Variants in UIMC1 observed in about 807,000 individuals in gnomAD.
UIMC1 encodes the protein ubiquitin interaction motif containing 1.
A neutral mutation model predicts 84.9 loss-of-function variants in UIMC1; 42 were observed. The observed-to-expected ratio is 0.49, with a 90% CI of 0.39 to 0.64. The LOEUF (loss-of-function observed/expected upper bound fraction) is 0.64. Ranked by LOEUF, UIMC1 falls within the 30% of genes least tolerant of loss-of-function variation. The probability of loss-of-function intolerance (pLI) is 0.00; values close to 1 mark genes in which losing one functional copy is unlikely to be tolerated. For missense variants in UIMC1, 825 were observed against 847.6 expected (o/e 0.97, Z 0.33); for synonymous variants, 281 against 293.0 (o/e 0.96, Z 0.42).
chr5:176,958,258 A>T (rs1460276339), intron 6 of UIMC1, 104 bp from the exon 7 acceptor site: 2 of 884,802 alleles, frequency 2.3e-6, no homozygotes, highest in Admixed American at 5.2e-5. Context: ...CTCAACAATT[A>T]ACAATAAGAA....
chr5:177,007,747 A>C (rs181198966), upstream of UIMC1, among the ~76,000 whole-genome samples: 1 of 152,320 alleles, frequency 6.6e-6, no homozygotes, highest in African/African-American at 2.4e-5. Context: ...TGAAAGAAGG[A>C]GTAGCGGAAA....
intron 8 of UIMC1, among the ~76,000 whole-genome samples, chr5:176,954,337 G>A (rs1427651079): frequency 6.6e-6 from 1 of 152,150 alleles, no homozygotes; most frequent in Non-Finnish European, 1.5e-5. Context: ...GTATTCTTGA[G>A]TGCTCCTGCC....
At chr5:176,995,262 T>C (rs1181834272) in intron 1 of UIMC1, among the ~76,000 whole-genome samples, 1 of 151,976 alleles carries the variant, frequency 6.6e-6, no homozygotes, top group African/African-American at 2.4e-5. Flanking sequence ...AAATGACAAC[T>C]TGTGGGCTGG....
chr5:176,999,770 A>G (rs1049532698), intron 1 of UIMC1, among the ~76,000 whole-genome samples: 9 of 152,228 alleles, frequency 5.9e-5, no homozygotes, highest in South Asian at 2.1e-4. Context: ...TCCATTATGT[A>G]TAAGTACCAT....
intron 8 of UIMC1, among the ~76,000 whole-genome samples, chr5:176,953,987 G>C (rs1414258732): frequency 1.3e-5 from 2 of 152,084 alleles, no homozygotes; most frequent in Non-Finnish European, 2.9e-5. Flanking sequence ...TTGGCTTCAT[G>C]GTGAAGCAGT....
At chr5:176,965,361 A>G (rs10044082) in intron 6 of UIMC1, among the ~76,000 whole-genome samples, 16,422 of 151,630 alleles carry the variant, frequency 0.11, 1,664 homozygotes, top group African/African-American at 0.27. Context: ...GGTGGAGCTT[A>G]CAGTGAGCCA....
intron 2 of UIMC1, among the ~76,000 whole-genome samples, chr5:176,980,744 T>TA (rs1463384299): frequency 6.6e-6 from 1 of 152,178 alleles, no homozygotes; most frequent in African/African-American, 2.4e-5. Flanking sequence ...ATCCAAGTAA[T>TA]ACAATTGTTT....
chr5:176,977,157 AG>A (rs1770220460), intron 2 of UIMC1, among the ~76,000 whole-genome samples: 1 of 148,380 alleles, frequency 6.7e-6, no homozygotes, highest in African/African-American at 2.5e-5. Context: ...CGGGAGGCAG[AG>A]GTTGCAGTGA....
chr5:177,020,978 T>G (rs1283093699), intron 1 of UIMC1, among the ~76,000 whole-genome samples: 1 of 152,170 alleles, frequency 6.6e-6, no homozygotes, highest in Non-Finnish European at 1.5e-5. Flanking sequence ...GAGATTCAGG[T>G]GCAATGACAA....
intron 3 of UIMC1, among the ~76,000 whole-genome samples, chr5:176,972,401 A>C (rs1769383647): frequency 7.0e-6 from 1 of 143,794 alleles, no homozygotes; most frequent in African/African-American, 2.5e-5. Context: ...ACTCCGTCTC[A>C]AAAAAAAAAA....
intron 10 of UIMC1, among the ~76,000 whole-genome samples, chr5:176,922,333 C>T (rs1761811306): frequency 6.6e-6 from 1 of 152,192 alleles, no homozygotes; most frequent in African/African-American, 2.4e-5. Context: ...TTAAACAACA[C>T]AGTGATCTTC....
Position 176,929,725 on chromosome 5 carries a change from T to C in UIMC1, c.1597+13610A>G, listed in dbSNP as rs574282110. Among the ~76,000 whole-genome samples the C allele has an allele frequency of 2.0e-5, 3 of 152,200 alleles. No individual in the cohort carries two copies. In the East Asian group the frequency reaches 5.8e-4, roughly 29 times the overall value. ...CTCTCAATTTTTAAGTTTGAAATTT[T>C]TGGTAATTAAAAGTAAAACACACAC... is the stretch of plus-strand genomic sequence containing the variant. On this transcript the variant is annotated intron_variant, in intron 10 of 14. Coordinates refer to ENST00000511320, the MANE Select transcript of UIMC1 (RefSeq NM_001199298.2).
At chr5:176,923,025 A>C (rs940967687) in intron 10 of UIMC1, among the ~76,000 whole-genome samples, 1 of 152,210 alleles carries the variant, frequency 6.6e-6, no homozygotes. Context: ...ATGCCAGAGC[A>C]GGTATTTATA....
intron 1 of UIMC1, among the ~76,000 whole-genome samples, chr5:176,984,712 A>G (rs1016094596): frequency 1.3e-5 from 2 of 152,102 alleles, no homozygotes; most frequent in Non-Finnish European, 2.9e-5. Flanking sequence ...TGTAGAAAGA[A>G]GTAGACATAG....
chr5:176,991,000 T>C (rs182165694), intron 1 of UIMC1, among the ~76,000 whole-genome samples: 5 of 151,786 alleles, frequency 3.3e-5, no homozygotes, highest in African/African-American at 1.2e-4. Flanking sequence ...TTTATTTTAT[T>C]TTTTATTTTT....
chr5:176,914,084 C>CACCACACCACACCACACCAT (rs1554106322), intron 10 of UIMC1, among the ~76,000 whole-genome samples: 45 of 149,836 alleles, frequency 3.0e-4, no homozygotes, highest in African/African-American at 1.0e-3. Flanking sequence ...CACCACACCA[C>CACCACACCACACCACACCAT]ACCATACCAT....
In UIMC1 at chr5:176,970,696, T is replaced by C. The variant is rs764366579; in HGVS notation, c.357+46A>G. On this transcript the variant is annotated intron_variant, in intron 4 of 14. Transcript: ENST00000511320. ...ACTACAACACCACAGAAGTCAAAAA[T>C]ATAGCTGATCAATCTCCACAAACTT... The C allele has an allele frequency of 4.3e-6, 7 of 1,613,154 alleles. No homozygotes were observed. In the East Asian group the frequency reaches 1.3e-4, roughly 31 times the overall value.
At position 176,968,816 on chromosome 5, in the gene UIMC1, C is replaced by T; in HGVS notation, c.939G>A (p.Gln313=). 6.2e-7 allele frequency: 1 copy of T among 1,614,144 alleles called. No individual in the cohort carries two copies. The highest frequency in any genetic ancestry group is 1.1e-5 in the South Asian group (1 of 91,076). ...CCCCAAAACCTTTTTTATTAAGGAG[C>T]TGCCTCTGAGCCATTTTCAGGCTCT... is the stretch of plus-strand genomic sequence containing the variant. The part of the protein sequence containing the change: ...YQKSLKMAQR[Q]LLNKKGFGEP... The change falls in exon 6 of 15, where the codon CAG becomes CAA. Residue 313 remains glutamine (Q), a synonymous_variant. Transcript: ENST00000511320.
chr5:176,917,050 G>C (rs1761062065), intron 10 of UIMC1, among the ~76,000 whole-genome samples: 1 of 152,212 alleles, frequency 6.6e-6, no homozygotes, highest in South Asian at 2.1e-4. Flanking sequence ...AGTCTTCTCA[G>C]TTTGTCTCCC....
Sources: gnomAD v4.1 joint callset for allele counts (sites outside exome capture counted in the v4.1 genomes callset) on GRCh38, gnomAD v4.1.1 for gene constraint, MANE v1.5 for transcripts, NCBI Gene and HGNC (gene_info 2026-07-23, HGNC 2026-07-21) for gene names.